PSD3: variants seen among roughly 807,000 people sequenced by gnomAD.
PSD3 encodes the protein pleckstrin and Sec7 domain containing 3, also known as PH and SEC7 domain-containing protein 3.
A neutral mutation model predicts 105.5 loss-of-function variants in PSD3; 49 were observed. That is an observed-to-expected ratio of 0.46 (90% CI 0.37 to 0.59). PSD3 has a LOEUF of 0.59. Ranked by LOEUF, PSD3 falls within the 20% of genes least tolerant of loss-of-function variation. The pLI, the probability that PSD3 is intolerant of heterozygous loss-of-function variation, is 0.00. For missense variants in PSD3, 1,561 were observed against 1,263.8 expected (o/e 1.24, Z -3.57); for synonymous variants, 557 against 457.8 (o/e 1.22, Z -2.77).
chr8:18,872,529 T>C lies in PSD3; in HGVS notation c.335A>G (p.Lys112Arg). The change falls in exon 3 of 16, where the codon AAA (lysine) becomes AGA (arginine). Residue 112 changes from lysine (K) to arginine (R), a missense_variant. Physicochemically the swap from Lys to Arg is conservative, Grantham distance 26. Transcript: ENST00000327040. The part of the protein sequence containing the change: ...SGLDSVTEGP[K>R]DVREAPSQSH... ...TTGAGAGGGGGCCTCTCTGACATCT[T>C]TTGGTCCTTCTGTAACACTGTCGAG... 1 of 1,614,096 alleles carries C rather than the reference T, an allele frequency of 6.2e-7. No individual in the cohort carries two copies.
chr8:18,720,574 C>A (rs1473061692), intron 9 of PSD3, among the ~76,000 whole-genome samples: 1 of 152,066 alleles, frequency 6.6e-6, no homozygotes, highest in Non-Finnish European at 1.5e-5. Flanking sequence ...ATACAAAATA[C>A]ATGCAAAATG....
Position 18,535,878 on chromosome 8 carries a change from T to C in PSD3, c.3009A>G (p.Ala1003=). ...ELLSNDESEA[A]GLKKSHSSPS... is the part of the protein sequence containing the mutation. The stretch of plus-strand genomic sequence containing the variant: ...GACTCGAGTGCGACTTCTTCAGTCC[T>C]GCAGCCTCGCTTTCATCGTTACTCA... The change falls in exon 16 of 16, where the codon GCA becomes GCG. Residue 1003 remains alanine, a synonymous_variant. Transcript: ENST00000327040. The C allele has an allele frequency of 6.2e-7, 1 of 1,614,212 alleles. No individual in the cohort carries two copies. Among genetic ancestry groups the C allele is most frequent in the Non-Finnish European group, 8.5e-7 (1 of 1,180,028 alleles).
At position 18,533,056 on chromosome 8, in the gene PSD3, G is replaced by T. The variant is rs915084221; in HGVS notation, c.*2687C>A. The T allele has an allele frequency of 6.6e-6, 1 of 152,240 alleles. No homozygotes were observed. The highest frequency in any genetic ancestry group is 2.4e-5 in the African/African-American group (1 of 41,448). 9.4% of individuals were successfully genotyped at this position (152,240 alleles called of 1,614,324 possible). On this transcript the variant is annotated 3_prime_UTR_variant, in exon 16 of 16. Coordinates refer to ENST00000327040, the MANE Select transcript of PSD3 (RefSeq NM_015310.4). ...TACCGTGAATTGGGCAACAGGCTTG[G>T]AGCAGCTGTGAAAGGAAACATCCTC...
intron 15 of PSD3, among the ~76,000 whole-genome samples, chr8:18,553,870 G>A (rs914196265): frequency 6.6e-6 from 1 of 152,162 alleles, no homozygotes; most frequent in African/African-American, 2.4e-5. Flanking sequence ...AGACACAGGT[G>A]AAGGAGCTTG....
intron 4 of PSD3, among the ~76,000 whole-genome samples, chr8:18,846,324 T>C (rs941127041): frequency 6.6e-6 from 1 of 152,190 alleles, no homozygotes; most frequent in Non-Finnish European, 1.5e-5. Context: ...TCAACCTGAA[T>C]GCCAACATTT....
chr8:18,857,977 A>G (rs548495581), intron 4 of PSD3, among the ~76,000 whole-genome samples: 1 of 152,206 alleles, frequency 6.6e-6, no homozygotes, highest in Non-Finnish European at 1.5e-5. Flanking sequence ...CTAACATTAG[A>G]CAGGACAGAG....
intron 1 of PSD3, among the ~76,000 whole-genome samples, chr8:18,983,726 C>G (rs899823478): frequency 1.3e-5 from 2 of 151,964 alleles, no homozygotes; most frequent in African/African-American, 4.8e-5. Context: ...CTGACTGGTG[C>G]AGTGGCTCAT....
intron 1 of PSD3, among the ~76,000 whole-genome samples, chr8:19,059,542 C>T (rs559796749): frequency 1.3e-5 from 2 of 152,272 alleles, no homozygotes; most frequent in East Asian, 3.9e-4. Context: ...TCAGGTGGGA[C>T]CAAAGTACTT....
chr8:18,947,725 T>C (rs1822957251), intron 1 of PSD3, among the ~76,000 whole-genome samples: 1 of 152,186 alleles, frequency 6.6e-6, no homozygotes, highest in Admixed American at 6.5e-5. Context: ...TTTAACCAGA[T>C]GGGAAGATTC....
chr8:18,589,247 G>C (rs999067619), intron 12 of PSD3, among the ~76,000 whole-genome samples: 2 of 152,128 alleles, frequency 1.3e-5, no homozygotes, highest in Admixed American at 1.3e-4. Flanking sequence ...AATAAAGACA[G>C]TATGAGATAG....
chr8:19,035,184 T>A (rs1827900787), intron 1 of PSD3, among the ~76,000 whole-genome samples: 1 of 152,238 alleles, frequency 6.6e-6, no homozygotes, highest in Non-Finnish European at 1.5e-5. Context: ...ATTATGAACA[T>A]AGTAATTATC....
intron 11 of PSD3, among the ~76,000 whole-genome samples, chr8:18,626,388 C>A (rs1216718920): frequency 6.6e-6 from 1 of 152,066 alleles, no homozygotes; most frequent in Non-Finnish European, 1.5e-5. Flanking sequence ...TAATATTTGT[C>A]ATCAGAGCAC....
chr8:18,729,840 T>C (rs1803604563), intron 9 of PSD3, among the ~76,000 whole-genome samples: 1 of 152,126 alleles, frequency 6.6e-6, no homozygotes, highest in South Asian at 2.1e-4. Context: ...TGCTAAACCT[T>C]CCACTGAGGA....
intron 4 of PSD3, among the ~76,000 whole-genome samples, chr8:18,860,181 G>C (rs759394826): frequency 6.6e-6 from 1 of 152,148 alleles, no homozygotes; most frequent in Non-Finnish European, 1.5e-5. Flanking sequence ...AGGGGGAACA[G>C]CTGGTTTCAT....
intron 1 of PSD3, among the ~76,000 whole-genome samples, chr8:19,025,367 G>A (rs1021558032): frequency 4.7e-5 from 7 of 150,504 alleles, no homozygotes; most frequent in Non-Finnish European, 7.4e-5. Context: ...TCCAAACCCC[G>A]TTGGGCATGA....
chr8:18,788,534 T>C (rs1327030764), intron 8 of PSD3, among the ~76,000 whole-genome samples: 1 of 152,216 alleles, frequency 6.6e-6, no homozygotes, highest in Non-Finnish European at 1.5e-5. Context: ...CTAGGAAAGC[T>C]GACAACAGCA....
chr8:18,853,395 C>A (rs1815748514), intron 4 of PSD3, among the ~76,000 whole-genome samples: 1 of 152,144 alleles, frequency 6.6e-6, no homozygotes, highest in South Asian at 2.1e-4. Flanking sequence ...TCCCAGGCAT[C>A]TTGAAAATGG....
intron 1 of PSD3, among the ~76,000 whole-genome samples, chr8:18,989,934 C>T (rs1235149154): frequency 6.6e-6 from 1 of 152,198 alleles, no homozygotes; most frequent in Non-Finnish European, 1.5e-5. Flanking sequence ...AACAAGAGTG[C>T]TACATCTCAA....
intron 4 of PSD3, among the ~76,000 whole-genome samples, chr8:18,814,124 A>AG (rs1296764160): frequency 9.2e-5 from 14 of 152,258 alleles, no homozygotes; most frequent in Non-Finnish European, 1.6e-4. Flanking sequence ...CTCTTTATAA[A>AG]GGAAACACAC....
Sources: allele counts gnomAD v4.1 joint callset (sites outside exome capture counted in the v4.1 genomes callset), GRCh38; gene constraint gnomAD v4.1.1; transcripts MANE v1.5; gene names NCBI Gene and HGNC (gene_info 2026-07-23, HGNC 2026-07-21).